The following M1AP variants were observed in gnomAD, a reference collection of about 807,000 sequenced individuals.
M1AP encodes the protein meiosis 1 associated protein.
M1AP carries 39 observed loss-of-function variants against 51.2 expected under a neutral mutation model. The ratio of observed to expected loss-of-function variants is 0.76; its 90% CI spans 0.59 to 1.00. The LOEUF is 1.00. Ranked by LOEUF, M1AP falls within the 50% of genes least tolerant of loss-of-function variation. M1AP has a pLI of 0.00. For synonymous variants in M1AP, 251 were observed against 249.2 expected (o/e 1.01, Z -0.07); for missense variants, 545 against 641.2 (o/e 0.85, Z 1.62).
intron 1 of M1AP, among the ~76,000 whole-genome samples, chr2:74,643,589 T>TC (rs1022297885): frequency 1.4e-5 from 2 of 145,414 alleles, no homozygotes; most frequent in African/African-American, 2.8e-5. Context: ...TTGGTAATGT[T>TC]CTTTTTTTTT....
Position 74,562,404 on chromosome 2 carries a change from A to G in M1AP, c.1094T>C (p.Leu365Ser). Residue 365 changes from leucine to serine, a missense_variant, in exon 8 of 11, where the codon TTA (leucine) becomes TCA (serine). Coordinates refer to ENST00000421985, the MANE Select transcript of M1AP (RefSeq NM_001321739.2). ...TGGGCCCGGTGGTTCCCCCTTGGCT[A>G]ACAGCAGCCATTCCCTTTTCTGAAA... is the stretch of plus-strand genomic sequence containing the variant. ...HSLLKREWLL[L>S]AKGEPPGPGH... 1 of 1,614,222 alleles carries G rather than the reference A, an allele frequency of 6.2e-7. No homozygotes were observed. The highest frequency in any genetic ancestry group is 8.5e-7 in the Non-Finnish European group (1 of 1,180,030).
Position 74,576,461 on chromosome 2 carries a change from C to T in M1AP, c.927G>A (p.Val309=). The T allele has an allele frequency of 6.2e-7, 1 of 1,613,570 alleles. No individual in the cohort carries two copies. The highest frequency in any genetic ancestry group is 8.5e-7 in the Non-Finnish European group (1 of 1,179,926). Residue 309 remains valine (V), a synonymous_variant, in exon 6 of 11, where the codon GTG becomes GTA. Coordinates refer to ENST00000421985, the MANE Select transcript of M1AP (RefSeq NM_001321739.2). The stretch of plus-strand genomic sequence containing the variant: ...GAGGTTCCCTTGGACCATACTTGAT[C>T]ACTTGGAGCTTGTAATGAGAGGCCG... ...QSSASHYKLQ[V]IKALKSSGLC...
At chr2:74,624,227 T>G (rs1052980697) in intron 2 of M1AP, among the ~76,000 whole-genome samples, 2 of 152,192 alleles carry the variant, frequency 1.3e-5, no homozygotes, top group Non-Finnish European at 2.9e-5. Flanking sequence ...CACATTCTAG[T>G]TGGTTATCAG....
At chr2:74,625,898 T>G (rs1682352865) in intron 2 of M1AP, among the ~76,000 whole-genome samples, 1 of 152,238 alleles carries the variant, frequency 6.6e-6, no homozygotes, top group South Asian at 2.1e-4. Context: ...TGTGGCCATC[T>G]CAATGCTACT....
chr2:74,574,738 C>T (rs927898957), intron 7 of M1AP, among the ~76,000 whole-genome samples: 1 of 152,202 alleles, frequency 6.6e-6, no homozygotes, highest in African/African-American at 2.4e-5. Flanking sequence ...TCACTCTCTC[C>T]CTTCCTCCCT....
chr2:74,572,810 G>A (rs1678826900), intron 7 of M1AP, among the ~76,000 whole-genome samples: 1 of 152,160 alleles, frequency 6.6e-6, no homozygotes, highest in African/African-American at 2.4e-5. Context: ...CAAAATATGG[G>A]TATCTACTAG....
At position 74,562,207 on chromosome 2, in the gene M1AP, C is replaced by T. The variant is rs889098780; in HGVS notation, c.1281+10G>A. On this transcript the variant is annotated intron_variant, in intron 8 of 10. Transcript: ENST00000421985. ...CTAGATCTGTCCCATGAGATCTGGG[C>T]TCCACTTGCCTCCACATTCTTAAGG... 2.5e-6 allele frequency: 4 copies of T among 1,600,962 alleles called. No individual in the cohort carries two copies. The highest frequency in any genetic ancestry group is 3.4e-6 in the Non-Finnish European group (4 of 1,171,736).
chr2:74,617,769 CA>C (rs1407610712), intron 2 of M1AP, among the ~76,000 whole-genome samples: 3 of 152,254 alleles, frequency 2.0e-5, no homozygotes, highest in African/African-American at 7.2e-5. Context: ...TTAAAATAAG[CA>C]ATGTTCTATA....
intron 2 of M1AP, 84 bp downstream of exon 2, chr2:74,639,952 T>C (rs1683195377): frequency 1.7e-6 from 2 of 1,196,980 alleles, no homozygotes; most frequent in Non-Finnish European, 1.2e-6. Flanking sequence ...TTGTTATAAG[T>C]ATTAATAACT....
intron 2 of M1AP, among the ~76,000 whole-genome samples, chr2:74,616,308 A>G (rs1300422534): frequency 6.6e-6 from 1 of 152,154 alleles, no homozygotes; most frequent in Non-Finnish European, 1.5e-5. Context: ...CCAACTTTAT[A>G]AGTGGTTGCT....
intron 5 of M1AP, among the ~76,000 whole-genome samples, chr2:74,577,658 C>T (rs1259040417): frequency 6.6e-6 from 1 of 152,204 alleles, no homozygotes; most frequent in Non-Finnish European, 1.5e-5. Context: ...TCACATTAGA[C>T]ATTGTGAATA....
intron 4 of M1AP, among the ~76,000 whole-genome samples, chr2:74,603,152 A>G (rs1031561095): frequency 1.3e-5 from 2 of 152,228 alleles, no homozygotes; most frequent in Admixed American, 1.3e-4. Flanking sequence ...TTCTGTGACC[A>G]GGAAGGTGGA....
At chr2:74,611,892 T>TTTTTG (rs1553414990) in intron 3 of M1AP, among the ~76,000 whole-genome samples, 4 of 76,632 alleles carry the variant, frequency 5.2e-5, no homozygotes, top group African/African-American at 1.9e-4. Flanking sequence ...GTTTTTTTTT[T>TTTTTG]TTTTTTTTTT....
chr2:74,587,292 G>A (rs971222920), intron 4 of M1AP, among the ~76,000 whole-genome samples: 2 of 151,420 alleles, frequency 1.3e-5, no homozygotes, highest in Admixed American at 6.6e-5. Context: ...TCCACCTCCC[G>A]GGTTCACGCC....
chr2:74,624,200 A>G lies in M1AP; in HGVS notation c.241-9051T>C, dbSNP rs948391830. On this transcript the variant is annotated intron_variant, in intron 2 of 10. Coordinates refer to ENST00000421985, the MANE Select transcript of M1AP (RefSeq NM_001321739.2). ...AAAGTAAAGGTGAAGAGGATTTCAG[A>G]GGCTGTAAAGCTGTGGCACATTCTA... is the stretch of plus-strand genomic sequence containing the variant. Among the ~76,000 whole-genome samples the G allele has an allele frequency of 2.0e-5, 3 of 152,236 alleles. No homozygotes were observed. The South Asian group carries it at 6.2e-4, about 31-fold the overall frequency.
chr2:74,563,754 A>G (rs1678191226), intron 7 of M1AP, among the ~76,000 whole-genome samples: 1 of 152,152 alleles, frequency 6.6e-6, no homozygotes, highest in Non-Finnish European at 1.5e-5. Flanking sequence ...TTATTATGGA[A>G]CAGAGGGTGG....
intron 2 of M1AP, among the ~76,000 whole-genome samples, chr2:74,627,741 T>G (rs915098950): frequency 4.6e-5 from 7 of 151,396 alleles, no homozygotes; most frequent in Admixed American, 4.6e-4. Context: ...AAAAATAACA[T>G]TTTAGAAACT....
rs191972080 is a variant in M1AP at position 74,590,414 on chromosome 2, A to G, written c.596-8567T>C. On this transcript the variant is annotated intron_variant, in intron 4 of 10. Transcript: ENST00000421985. Reference sequence around the variant, plus strand: ...ACCTCCTAATACTATCTATTTGGTGATTAGATTTCAAAGATGAATTTTAGG... The same window carrying G: ...ACCTCCTAATACTATCTATTTGGTGGTTAGATTTCAAAGATGAATTTTAGG... 3.6e-3 allele frequency among the ~76,000 whole-genome samples: 507 copies of G among 140,094 alleles called. 1 individual carries two copies. Among genetic ancestry groups the G allele is most frequent in the Non-Finnish European group, 6.4e-3 (408 of 64,106 alleles). 91.9% of individuals were successfully genotyped at this position (140,094 alleles called of 152,430 possible). A position where few individuals can be genotyped will look rare whatever the true frequency, so the allele number is the denominator to read the frequency against.
intron 3 of M1AP, among the ~76,000 whole-genome samples, chr2:74,609,313 G>A (rs976475536): frequency 7.2e-5 from 11 of 152,092 alleles, no homozygotes; most frequent in South Asian, 2.1e-4. Flanking sequence ...TGCAGTACTC[G>A]TCCTTCTGTG....
Sources: allele counts gnomAD v4.1 joint callset (sites outside exome capture counted in the v4.1 genomes callset), GRCh38; gene constraint gnomAD v4.1.1; transcripts MANE v1.5; gene names NCBI Gene and HGNC (gene_info 2026-07-23, HGNC 2026-07-21).